Variants in ARR3 observed in about 807,000 individuals in gnomAD.
ARR3 encodes the protein arrestin-C.
A neutral mutation model predicts 35.4 loss-of-function variants in ARR3; 14 were observed. The ratio of observed to expected loss-of-function variants is 0.40; its 90% CI spans 0.26 to 0.62. The LOEUF is 0.62. ARR3 is among the 20% of genes least tolerant of loss of function. The pLI, the probability that ARR3 is intolerant of heterozygous loss-of-function variation, is 0.46. For missense variants in ARR3, 259 were observed against 303.8 expected (o/e 0.85, Z 1.10); for synonymous variants, 97 against 119.1 (o/e 0.81, Z 1.21).
chrX:70,280,182 C>G lies in ARR3; in HGVS notation c.906-13C>G. 8.3e-7 allele frequency: 1 copy of G among 1,206,083 alleles called. No homozygotes were observed. The highest frequency in any genetic ancestry group is 1.1e-6 in the Non-Finnish European group (1 of 891,028). ...TGCCCCAAACACCCTAAAACGAATA[C>G]TACAACCTCCAGTATTAGACCGGGA... is the stretch of plus-strand genomic sequence containing the variant. On this transcript the variant is annotated splice_polypyrimidine_tract_variant and intron_variant, in intron 12 of 16. Coordinates refer to ENST00000307959, the MANE Select transcript of ARR3 (RefSeq NM_004312.3).
In ARR3 at chrX:70,270,092, C is replaced by T; in HGVS notation, c.101-8C>T. ...TGACCAAAGTGCTGTCTGTCCTTCT[C>T]TCCACAGACGGTGTTGTCCTGGTTG... On this transcript the variant is annotated splice_polypyrimidine_tract_variant and splice_region_variant and intron_variant, in intron 4 of 16. Coordinates refer to ENST00000307959, the MANE Select transcript of ARR3 (RefSeq NM_004312.3). The T allele has an allele frequency of 8.3e-7, 1 of 1,211,293 alleles. No individual in the cohort carries two copies. The highest frequency in any genetic ancestry group is 1.1e-6 in the Non-Finnish European group (1 of 894,729).
intron 5 of ARR3, among the ~76,000 whole-genome samples, chrX:70,270,727 T>C (rs1367037619): frequency 1.8e-5 from 2 of 110,389 alleles, no homozygotes; most frequent in African/African-American, 6.6e-5. Flanking sequence ...TTGTAACCTC[T>C]GGTATACGTC....
Position 70,276,090 on chromosome X carries a change from A to G in ARR3, c.154A>G (p.Met52Val). The G allele has an allele frequency of 8.3e-7, 1 of 1,211,470 alleles. No individual in the cohort carries two copies. Among genetic ancestry groups the G allele is most frequent in the East Asian group, 3.0e-5 (1 of 33,816 alleles). ...EYLKCRKLFVMLTCAFRYGRD... is the reference protein window; with the variant it reads ...EYLKCRKLFVVLTCAFRYGRD... ...TCCTCCTATGCCTGCAGTGTTTGTC[A>G]TGTTGACATGTGCCTTTCGCTATGG... Residue 52 changes from methionine to valine, a missense_variant, in exon 6 of 17, where the codon ATG (methionine) becomes GTG (valine). Met to Val is a conservative substitution (Grantham distance 21, BLOSUM62 1). Transcript: ENST00000307959.
chrX:70,278,189 G>T, intron 11 of ARR3, 51 bp downstream of exon 11: 4 of 1,078,107 alleles, frequency 3.7e-6, no homozygotes, highest in Non-Finnish European at 5.1e-6. Context: ...GGGGTGGTGG[G>T]AAGAGGTCCA....
In ARR3 at chrX:70,276,165, G is replaced by T. The variant is rs1359988955; in HGVS notation, c.229G>T (p.Val77Leu). ...TCTGACGTTCCGAAAAGATCTGTAT[G>T]TGCAGACCCTGCAAGTGGTCCCAGC... is the stretch of plus-strand genomic sequence containing the variant. ...IGLTFRKDLYVQTLQVVPAES... is the reference protein window; with the variant it reads ...IGLTFRKDLYLQTLQVVPAES... Residue 77 changes from valine (V) to leucine (L), a missense_variant, in exon 6 of 17, where the codon GTG becomes TTG. By Grantham distance (32) the Val-to-Leu change is conservative. Coordinates refer to ENST00000307959, the MANE Select transcript of ARR3 (RefSeq NM_004312.3). The T allele has an allele frequency of 2.5e-6, 3 of 1,211,820 alleles. No individual in the cohort carries two copies. Among genetic ancestry groups the T allele is most frequent in the Non-Finnish European group, 2.2e-6 (2 of 895,506 alleles).
chrX:70,281,257 G>A (rs1602726105), intron 16 of ARR3, 149 bp downstream of exon 16: 2 of 710,918 alleles, frequency 2.8e-6, no homozygotes, highest in East Asian at 3.5e-5. Context: ...GTCACAGTTC[G>A]GTGCTTTTCA....
intron 13 of ARR3, 122 bp downstream of exon 13, chrX:70,280,400 G>C: frequency 1.0e-6 from 1 of 973,658 alleles, no homozygotes; most frequent in Non-Finnish European, 1.4e-6. Flanking sequence ...CCCAGACCAG[G>C]TTCCCAAACC....
chrX:70,276,390 T>C, intron 6 of ARR3, 43 bp from the exon 7 acceptor site: 1 of 1,198,314 alleles, frequency 8.3e-7, no homozygotes, highest in Non-Finnish European at 1.1e-6. Context: ...TATTTGTTTG[T>C]ATTCTTTTCT....
intron 5 of ARR3, 68 bp from the exon 6 acceptor site, chrX:70,276,014 T>G (rs1769642126): frequency 9.0e-7 from 1 of 1,115,501 alleles, no homozygotes; most frequent in South Asian, 1.9e-5. Context: ...CTGTGTCTTC[T>G]TGACCCAGTT....
intron 5 of ARR3, among the ~76,000 whole-genome samples, chrX:70,275,569 A>G (rs1341195719): frequency 1.8e-5 from 2 of 110,127 alleles, no homozygotes; most frequent in South Asian, 3.9e-4. Flanking sequence ...GACTTTGAAT[A>G]TAAAGAAGAC....
chrX:70,280,861 G>A (rs1316590020), intron 15 of ARR3, 43 bp downstream of exon 15: 1 of 1,197,334 alleles, frequency 8.4e-7, no homozygotes, highest in Non-Finnish European at 1.1e-6. Context: ...TGTCCTGAGG[G>A]CTGGGGTCCA....
chrX:70,270,076 T>G (rs1162563071), intron 4 of ARR3, 24 bp from the exon 5 acceptor site: 1 of 1,210,245 alleles, frequency 8.3e-7, no homozygotes, highest in Non-Finnish European at 1.1e-6. Flanking sequence ...CTGACCAAAG[T>G]GCTGTCTGTC....
At chrX:70,275,770 C>T (rs1046847531) in intron 5 of ARR3, among the ~76,000 whole-genome samples, 1 of 103,070 alleles carries the variant, frequency 9.7e-6, no homozygotes, top group Non-Finnish European at 2.0e-5. Context: ...CCTGGGTTCA[C>T]GCCATTCTCC....
intron 7 of ARR3, 79 bp downstream of exon 7, chrX:70,276,571 G>GTCCTTA: frequency 8.6e-7 from 1 of 1,166,900 alleles, no homozygotes; most frequent in Non-Finnish European, 1.2e-6. Context: ...CTGGAGAAAT[G>GTCCTTA]GACAGCTAAG....
chrX:70,275,254 G>A (rs5980909), intron 5 of ARR3, among the ~76,000 whole-genome samples: 2,080 of 112,466 alleles, frequency 0.018, 42 homozygotes, highest in African/African-American at 0.063. Flanking sequence ...TCATCAACAC[G>A]TAGTGTTGTC....
At chrX:70,269,633 C>T (rs373855053) in intron 2 of ARR3, 29 bp from the exon 3 acceptor site, 4 of 1,199,285 alleles carry the variant, frequency 3.3e-6, no homozygotes, top group South Asian at 3.6e-5. Flanking sequence ...ATCCCCCTCT[C>T]CATCCTCTTT....
chrX:70,278,198 C>A, intron 11 of ARR3, 60 bp downstream of exon 11: 1 of 1,060,575 alleles, frequency 9.4e-7, no homozygotes, highest in Non-Finnish European at 1.3e-6. Flanking sequence ...GGAAGAGGTC[C>A]AGGAGGCAGT....
intron 8 of ARR3, 30 bp from the exon 9 acceptor site, chrX:70,277,364 G>C (rs370341613): frequency 8.3e-7 from 1 of 1,200,357 alleles, no homozygotes; most frequent in Non-Finnish European, 1.1e-6. Context: ...AAAGGAGGAC[G>C]CTCTGGCTAA....
chrX:70,273,469 G>A (rs3795173), intron 5 of ARR3, among the ~76,000 whole-genome samples: 9,729 of 110,861 alleles, frequency 0.088, 458 homozygotes, highest in East Asian at 0.41. Context: ...CTATCCACCC[G>A]CCTGGGCCTC....
Sources: gnomAD v4.1 joint callset for allele counts (sites outside exome capture counted in the v4.1 genomes callset) on GRCh38, gnomAD v4.1.1 for gene constraint, MANE v1.5 for transcripts, NCBI Gene and HGNC (gene_info 2026-07-23, HGNC 2026-07-21) for gene names.